The following DNAH5 variants were observed in gnomAD, a reference collection of about 807,000 sequenced individuals.
The protein encoded by DNAH5 is axonemal beta dynein heavy chain 5.
DNAH5 carries 372 observed loss-of-function variants against 518.2 expected under a neutral mutation model. The ratio of observed to expected loss-of-function variants is 0.72; its 90% CI spans 0.66 to 0.78. The LOEUF (loss-of-function observed/expected upper bound fraction) is 0.78. DNAH5 is among the 30% of genes least tolerant of loss of function. The probability of loss-of-function intolerance (pLI) is 0.00; values close to 1 mark genes in which losing one functional copy is unlikely to be tolerated. For missense variants in DNAH5, 5,523 were observed against 5,687.0 expected (o/e 0.97, Z 0.93); for synonymous variants, 2,039 against 2,025.9 (o/e 1.01, Z -0.17).
chr5:13,985,896 A>G (rs1783021762), intron 1 of DNAH5, among the ~76,000 whole-genome samples: 1 of 152,124 alleles, frequency 6.6e-6, no homozygotes, highest in South Asian at 2.1e-4. Flanking sequence ...ACTAATCTCC[A>G]AAGTATTCAG....
chr5:13,777,426 C>A, intron 53 of DNAH5, 71 bp from the exon 54 acceptor site: 1 of 1,395,948 alleles, frequency 7.2e-7, no homozygotes, highest in Admixed American at 1.8e-5. Flanking sequence ...TGTAACAACG[C>A]ATTATGCCAT....
In DNAH5 at chr5:13,901,990, T is replaced by C. The variant is rs1020910640; in HGVS notation, c.1730+63A>G. ...GAATATGAAATAATAATAATAGGAA[T>C]AACAACAATAAAAGCTAAACTATCC... On this transcript the variant is annotated intron_variant, in intron 13 of 78. Coordinates refer to ENST00000265104, the MANE Select transcript of DNAH5 (RefSeq NM_001369.3). 14 of 1,153,278 alleles carry C rather than the reference T, an allele frequency of 1.2e-5. 1 individual carries two copies. The highest frequency in any genetic ancestry group is 9.3e-5 in the South Asian group (7 of 75,388). 71.4% of individuals were successfully genotyped at this position (1,153,278 alleles called of 1,614,324 possible).
chr5:13,991,167 A>AC (rs199536468), intron 1 of DNAH5, among the ~76,000 whole-genome samples: 1,992 of 152,260 alleles, frequency 0.013, 14 homozygotes, highest in Admixed American at 0.019. Flanking sequence ...GTAAAAGAAA[A>AC]CCACATTGTG....
At chr5:13,970,458 C>G (rs1442264288) in intron 1 of DNAH5, among the ~76,000 whole-genome samples, 1 of 151,968 alleles carries the variant, frequency 6.6e-6, no homozygotes, top group Non-Finnish European at 1.5e-5. Context: ...ATTTAGAGCT[C>G]CTTTTAGCAG....
At chr5:13,820,806 C>G (rs1176392095) in intron 40 of DNAH5, among the ~76,000 whole-genome samples, 7 of 117,122 alleles carry the variant, frequency 6.0e-5, no homozygotes, top group African/African-American at 2.3e-4. Flanking sequence ...GCCTGGGCAA[C>G]AGAGCAATAC....
At chr5:13,987,844 A>G (rs1432433603) in intron 1 of DNAH5, among the ~76,000 whole-genome samples, 1 of 152,102 alleles carries the variant, frequency 6.6e-6, no homozygotes, top group African/African-American at 2.4e-5. Flanking sequence ...AGTCTCAAAA[A>G]AAAAAAAAAC....
intron 17 of DNAH5, among the ~76,000 whole-genome samples, chr5:13,889,066 A>T (rs1772822460): frequency 6.6e-6 from 1 of 152,230 alleles, no homozygotes; most frequent in Non-Finnish European, 1.5e-5. Context: ...AACCTGATAT[A>T]TATGGAGTAG....
At chr5:13,740,667 A>T (rs1322640498) in intron 65 of DNAH5, among the ~76,000 whole-genome samples, 1 of 152,202 alleles carries the variant, frequency 6.6e-6, no homozygotes, top group Non-Finnish European at 1.5e-5. Flanking sequence ...TGTCTTAAAC[A>T]CACAAGGAAC....
chr5:13,826,722 G>A (rs1235358221), intron 38 of DNAH5, among the ~76,000 whole-genome samples: 1 of 152,162 alleles, frequency 6.6e-6, no homozygotes, highest in African/African-American at 2.4e-5. Flanking sequence ...AGCAACAGGA[G>A]AACAGACTAG....
chr5:13,882,898 A>G lies in DNAH5; in HGVS notation c.3174+6T>C, dbSNP rs183748112. On this transcript the variant is annotated splice_donor_region_variant and intron_variant, in intron 20 of 78. Coordinates refer to ENST00000265104, the MANE Select transcript of DNAH5 (RefSeq NM_001369.3). ...ATATGAAACCATTTCTGCACCCCATACCCACCTTGGACAACAGTTCACTGC... is the reference window on the plus strand; with the variant it reads ...ATATGAAACCATTTCTGCACCCCATGCCCACCTTGGACAACAGTTCACTGC... 24 of 1,614,028 alleles carry G rather than the reference A, an allele frequency of 1.5e-5. No homozygotes were observed. Among genetic ancestry groups the G allele is most frequent in the Middle Eastern group, 3.3e-4 (2 of 6,062 alleles).
chr5:13,695,881 T>TAC (rs1268041026), intron 78 of DNAH5, among the ~76,000 whole-genome samples: 2 of 152,004 alleles, frequency 1.3e-5, no homozygotes, highest in Non-Finnish European at 2.9e-5. Flanking sequence ...CACACGCACA[T>TAC]ACACACACAT....
intron 1 of DNAH5, among the ~76,000 whole-genome samples, chr5:13,936,831 C>T (rs1778968076): frequency 2.0e-5 from 3 of 152,164 alleles, no homozygotes; most frequent in African/African-American, 7.2e-5. Flanking sequence ...AGATCTACTC[C>T]ACTGACCCCA....
At chr5:13,779,951 C>T (rs111278271) in intron 53 of DNAH5, among the ~76,000 whole-genome samples, 4,639 of 152,208 alleles carry the variant, frequency 0.03, 116 homozygotes, top group Non-Finnish European at 0.04. Context: ...CCTGACATGT[C>T]CTCCCTAGGA....
At chr5:13,996,661 C>T (rs185427114) in intron 1 of DNAH5, among the ~76,000 whole-genome samples, 5 of 152,374 alleles carry the variant, frequency 3.3e-5, no homozygotes, top group Admixed American at 6.5e-5. Flanking sequence ...CTCCATCTCC[C>T]ACCTTCTGGT....
intron 1 of DNAH5, among the ~76,000 whole-genome samples, chr5:13,985,976 C>T (rs1202635919): frequency 6.6e-6 from 1 of 152,224 alleles, no homozygotes; most frequent in African/African-American, 2.4e-5. Flanking sequence ...CTTTCTCCCG[C>T]TCCGTGACTT....
intron 72 of DNAH5, among the ~76,000 whole-genome samples, chr5:13,718,631 TAGCTGGAGAAC>T: frequency 6.6e-6 from 1 of 152,304 alleles, no homozygotes; most frequent in Non-Finnish European, 1.5e-5. Context: ...TAATTATGTC[TAGCTGGAGAAC>T]AGCATGGGCT....
chr5:13,730,655 C>T (rs182724531), intron 68 of DNAH5, among the ~76,000 whole-genome samples: 2 of 151,354 alleles, frequency 1.3e-5, no homozygotes, highest in African/African-American at 2.4e-5. Flanking sequence ...AGGATGGTAT[C>T]GATCTCCTGA....
intron 21 of DNAH5, 146 bp from the exon 22 acceptor site, chr5:13,876,963 T>C (rs1326572362): frequency 3.6e-6 from 3 of 835,564 alleles, no homozygotes; most frequent in Admixed American, 2.7e-5. Flanking sequence ...GAAAGAGTTG[T>C]CAATGTCAAC....
rs138893649 is a variant in DNAH5, at chr5:14,007,911, G to A, written c.12+3737C>T. Among the ~76,000 whole-genome samples the A allele has an allele frequency of 5.1e-4, 78 of 152,310 alleles. No homozygotes were observed. In the East Asian group the frequency reaches 0.015, roughly 28 times the overall value. On this transcript the variant is annotated intron_variant, in intron 1 of 78. Transcript: ENST00000681290. ...ATGTAGGCCAGGTGCAGGGGCTCAT[G>A]CCTGTAATCCCAGCACTTTGGGAGG...
Sources: allele counts gnomAD v4.1 joint callset (sites outside exome capture counted in the v4.1 genomes callset), GRCh38; gene constraint gnomAD v4.1.1; transcripts MANE v1.5; gene names NCBI Gene and HGNC (gene_info 2026-07-23, HGNC 2026-07-21).